The following PRPSAP2 variants were observed in gnomAD, a reference collection of about 807,000 sequenced individuals.
PRPSAP2 encodes phosphoribosyl pyrophosphate synthetase associated protein 2.
Under a neutral mutation model 40.6 loss-of-function variants are expected in PRPSAP2, and 24 were observed. That is an observed-to-expected ratio of 0.59 (90% CI 0.43 to 0.83). The LOEUF (loss-of-function observed/expected upper bound fraction) is 0.83, where lower values mean the gene tolerates loss of function less well. Ranked by LOEUF, PRPSAP2 falls within the 40% of genes least tolerant of loss-of-function variation. The pLI is 0.00. For missense variants in PRPSAP2, 292 were observed against 465.6 expected (o/e 0.63, Z 3.43); for synonymous variants, 149 against 164.7 (o/e 0.90, Z 0.73).
At chr17:18,875,785 CAG>C (rs757894655) in intron 5 of PRPSAP2, among the ~76,000 whole-genome samples, 3 of 147,582 alleles carry the variant, frequency 2.0e-5, no homozygotes, top group Non-Finnish European at 4.4e-5. Flanking sequence ...ACCCAGGAGA[CAG>C]AGGGTGCAGT....
chr17:18,888,036 T>G (rs1351873122), intron 7 of PRPSAP2, among the ~76,000 whole-genome samples: 1 of 53,340 alleles, frequency 1.9e-5, no homozygotes, highest in Non-Finnish European at 3.9e-5. Flanking sequence ...AGATTAGGGA[T>G]TGGTGATGAC....
intron 5 of PRPSAP2, among the ~76,000 whole-genome samples, chr17:18,873,831 A>G (rs1205829175): frequency 6.6e-6 from 1 of 152,112 alleles, no homozygotes; most frequent in Non-Finnish European, 1.5e-5. Flanking sequence ...TAGGTATAGA[A>G]GATTCAATGC....
chr17:18,890,469 CTTATTT>C (rs911448609), intron 8 of PRPSAP2, among the ~76,000 whole-genome samples: 2 of 152,094 alleles, frequency 1.3e-5, no homozygotes, highest in African/African-American at 4.8e-5. Context: ...CACACTGGGC[CTTATTT>C]TTATTTTTAA....
intron 8 of PRPSAP2, among the ~76,000 whole-genome samples, chr17:18,901,689 T>C (rs2151941159): frequency 6.6e-6 from 1 of 151,994 alleles, no homozygotes; most frequent in East Asian, 1.9e-4. Context: ...GTCTTCTCAT[T>C]TTTGTTTGTA....
At position 18,865,485 on chromosome 17, in the gene PRPSAP2, A is replaced by G. The variant is rs1419006971; in HGVS notation, c.-112A>G. ...TTAATCCAGGAGGAATTTTGTTGTCAGAGAATAAAAGGAGGTTGTCCATAA... is the reference window on the plus strand; with the variant it reads ...TTAATCCAGGAGGAATTTTGTTGTCGGAGAATAAAAGGAGGTTGTCCATAA... On this transcript the variant is annotated 5_prime_UTR_variant, in exon 2 of 12. Coordinates refer to ENST00000268835, the MANE Select transcript of PRPSAP2 (RefSeq NM_002767.4). 6.5e-6 allele frequency: 1 copy of G among 153,092 alleles called. No individual in the cohort carries two copies. Among genetic ancestry groups the G allele is most frequent in the Non-Finnish European group, 1.5e-5 (1 of 68,650 alleles). 9.5% of individuals were successfully genotyped at this position (153,092 alleles called of 1,614,324 possible). A position where few individuals can be genotyped will look rare whatever the true frequency, so the allele number is the denominator to read the frequency against.
In PRPSAP2 at chr17:18,928,646, A is replaced by T. The variant is rs558664211; in HGVS notation, c.805-165A>T. 10 of 812,194 alleles carry T rather than the reference A, an allele frequency of 1.2e-5. No homozygotes were observed. The African/African-American group carries it at 1.5e-4, about 12-fold the overall frequency. The allele number at this position is 812,194 out of a possible 1,614,324, so 50.3% of individuals were successfully genotyped here. A position where few individuals can be genotyped will look rare whatever the true frequency, so the allele number is the denominator to read the frequency against. ...CGTGTGAAAGTACTGGAGGGCTGCC[A>T]TGGGGCACGGTGATGGGGACATGGG... On this transcript the variant is annotated intron_variant, in intron 10 of 11. Coordinates refer to ENST00000268835, the MANE Select transcript of PRPSAP2 (RefSeq NM_002767.4).
chr17:18,906,203 A>G (rs996860421), intron 8 of PRPSAP2, among the ~76,000 whole-genome samples: 5 of 151,678 alleles, frequency 3.3e-5, no homozygotes, highest in African/African-American at 1.2e-4. Flanking sequence ...TGTGTCTGAG[A>G]TTGTTTGTTT....
At chr17:18,922,738 A>G (rs4393624) in intron 9 of PRPSAP2, among the ~76,000 whole-genome samples, 145,761 of 145,764 alleles carry the variant, frequency 1, 72,879 homozygotes, top group Middle Eastern at 1. Context: ...CAGTGGTGCA[A>G]TCGTGGCTCA....
At chr17:18,899,838 A>G (rs762055674) in intron 8 of PRPSAP2, among the ~76,000 whole-genome samples, 1 of 151,440 alleles carries the variant, frequency 6.6e-6, no homozygotes, top group Non-Finnish European at 1.5e-5. Context: ...CCCCAGCCCA[A>G]CTGAGCTTTT....
intron 8 of PRPSAP2, among the ~76,000 whole-genome samples, 156 bp downstream of exon 8, chr17:18,890,033 A>G (rs1026804427): frequency 6.6e-6 from 1 of 152,044 alleles, no homozygotes; most frequent in Non-Finnish European, 1.5e-5. Flanking sequence ...TGTCAACTCC[A>G]TTTATTAAGT....
chr17:18,867,224 A>T (rs748561407), intron 3 of PRPSAP2, 58 bp from the exon 4 acceptor site: 9 of 1,505,348 alleles, frequency 6.0e-6, no homozygotes, highest in Middle Eastern at 1.7e-4. Flanking sequence ...CTTAAATAGT[A>T]AAGATACTGG....
chr17:18,882,511 A>T, intron 6 of PRPSAP2, 57 bp from the exon 7 acceptor site: 16 of 695,140 alleles, frequency 2.3e-5, no homozygotes, highest in East Asian at 3.8e-5. Flanking sequence ...ATCCCATCTT[A>T]AAAAAAAAAA....
intron 8 of PRPSAP2, among the ~76,000 whole-genome samples, chr17:18,905,282 T>G (rs1253833646): frequency 6.6e-6 from 1 of 152,186 alleles, no homozygotes; most frequent in Non-Finnish European, 1.5e-5. Flanking sequence ...TGCCTTGGCC[T>G]CCCAAAGTGC....
At position 18,894,612 on chromosome 17, in the gene PRPSAP2, G is replaced by A. The variant is rs144800676; in HGVS notation, c.584+4735G>A. On this transcript the variant is annotated intron_variant, in intron 8 of 11. Coordinates refer to ENST00000268835, the MANE Select transcript of PRPSAP2 (RefSeq NM_002767.4). ...CTCTGCCTCACCTCCTGAGTAGCTG[G>A]GATTGCAGGCACCTGCCACCATGCC... Among the ~76,000 whole-genome samples, 21 of 151,322 alleles carry A rather than the reference G, an allele frequency of 1.4e-4. No individual in the cohort carries two copies. The East Asian group carries it at 4.1e-3, about 29-fold the overall frequency.
At chr17:18,891,747 C>T (rs536007436) in intron 8 of PRPSAP2, among the ~76,000 whole-genome samples, 19 of 152,312 alleles carry the variant, frequency 1.2e-4, no homozygotes, top group Non-Finnish European at 2.2e-4. Flanking sequence ...ATCCCTTCAC[C>T]TTCTGTCCCT....
intron 10 of PRPSAP2, among the ~76,000 whole-genome samples, chr17:18,925,392 G>A (rs1474385986): frequency 2.0e-5 from 3 of 152,208 alleles, no homozygotes; most frequent in Non-Finnish European, 2.9e-5. Flanking sequence ...TCAGCCATGA[G>A]GGCTTGTGGC....
chr17:18,918,434 TGGTGTGGCCA>T (rs1433939078), intron 9 of PRPSAP2, among the ~76,000 whole-genome samples: 5 of 152,162 alleles, frequency 3.3e-5, no homozygotes, highest in African/African-American at 4.8e-5. Flanking sequence ...TGATGGGCCA[TGGTGTGGCCA>T]GGAAGACACT....
chr17:18,915,589 A>C (rs1335239695), intron 9 of PRPSAP2, among the ~76,000 whole-genome samples: 1 of 152,208 alleles, frequency 6.6e-6, no homozygotes, highest in Non-Finnish European at 1.5e-5. Flanking sequence ...ATGGTGGAGA[A>C]GAAAAGTGAG....
chr17:18,905,657 G>T (rs1451400471), intron 8 of PRPSAP2, among the ~76,000 whole-genome samples: 1 of 151,448 alleles, frequency 6.6e-6, no homozygotes, highest in Non-Finnish European at 1.5e-5. Context: ...TCGGCTCACC[G>T]CAATCTCCGC....
Sources: allele counts gnomAD v4.1 joint callset (sites outside exome capture counted in the v4.1 genomes callset), GRCh38; gene constraint gnomAD v4.1.1; transcripts MANE v1.5; gene names NCBI Gene and HGNC (gene_info 2026-07-23, HGNC 2026-07-21).